The following WHRN variants were observed in gnomAD, a reference collection of about 807,000 sequenced individuals.
WHRN encodes CASK-interacting protein CIP98.
WHRN carries 41 observed loss-of-function variants against 68.3 expected under a neutral mutation model. That is an observed-to-expected ratio of 0.60 (90% CI 0.47 to 0.78). The LOEUF (loss-of-function observed/expected upper bound fraction) is 0.78, where lower values mean the gene tolerates loss of function less well. Ranked by LOEUF, WHRN falls within the 30% of genes least tolerant of loss-of-function variation. The pLI is 0.00. For missense variants in WHRN, 1,243 were observed against 1,244.7 expected, an observed-to-expected ratio of 1.00 and a Z score of 0.02; for synonymous variants, 560 against 561.3, an observed-to-expected ratio of 1.00 and a Z score of 0.03.
At position 114,426,406 on chromosome 9, in the gene WHRN, T is replaced by A. The variant is rs199724392; in HGVS notation, c.971A>T (p.Asp324Val). The change falls in exon 4 of 12, where the codon GAC becomes GTC. Residue 324 changes from aspartate to valine, a missense_variant. By Grantham distance (152) the Asp-to-Val change is radical. Coordinates refer to ENST00000362057, the MANE Select transcript of WHRN (RefSeq NM_015404.4). ...CCGCCCATTCACTTCTAGAATCTGG[T>A]CCCCAACCTGCCAAGATCACCACAC... ...EAEGSGLKVG[D>V]QILEVNGRSF... is the part of the protein sequence containing the mutation. 20 of 1,613,338 alleles carry A rather than the reference T, an allele frequency of 1.2e-5. No individual in the cohort carries two copies. In the East Asian group the frequency reaches 4.2e-4, roughly 34 times the overall value.
chr9:114,415,882 T>G (rs994301553), intron 7 of WHRN, among the ~76,000 whole-genome samples: 12 of 152,006 alleles, frequency 7.9e-5, no homozygotes, highest in Non-Finnish European at 1.6e-4. Flanking sequence ...ATAAGGCCCT[T>G]TGACAGTTTT....
intron 1 of WHRN, among the ~76,000 whole-genome samples, chr9:114,500,269 A>C (rs1843809833): frequency 6.6e-6 from 1 of 152,354 alleles, no homozygotes; most frequent in Middle Eastern, 3.4e-3. Flanking sequence ...TGTGCATGCC[A>C]TGGTGCCACG....
chr9:114,471,675 G>A (rs781210654), intron 2 of WHRN, among the ~76,000 whole-genome samples: 4 of 152,200 alleles, frequency 2.6e-5, no homozygotes, highest in Admixed American at 1.3e-4. Flanking sequence ...AGAGGCAGCC[G>A]GAGCAGCTCC....
At chr9:114,474,935 A>C (rs543103011) in intron 2 of WHRN, among the ~76,000 whole-genome samples, 1 of 152,308 alleles carries the variant, frequency 6.6e-6, no homozygotes, top group Non-Finnish European at 1.5e-5. Flanking sequence ...AAGTGAAGAC[A>C]GATCAGGAAA....
At chr9:114,407,006 C>A in intron 8 of WHRN, 114 bp from the exon 9 acceptor site, 1 of 1,260,690 alleles carries the variant, frequency 7.9e-7, no homozygotes, top group Non-Finnish European at 1.1e-6. Context: ...CCCACTCTAA[C>A]TGCTCTTGGC....
intron 2 of WHRN, 76 bp downstream of exon 2, chr9:114,478,477 A>G (rs1841836786): frequency 3.9e-6 from 6 of 1,536,366 alleles, no homozygotes; most frequent in East Asian, 2.2e-5. Flanking sequence ...GCGGCCTCCA[A>G]GCAGCTCTGC....
intron 3 of WHRN, among the ~76,000 whole-genome samples, chr9:114,450,959 G>A (rs747114982): frequency 1.3e-5 from 2 of 152,120 alleles, no homozygotes; most frequent in African/African-American, 2.4e-5. Context: ...CTGGGCCACG[G>A]GTCCCCCTTT....
At chr9:114,458,555 C>T (rs184416671) in intron 3 of WHRN, among the ~76,000 whole-genome samples, 108 of 152,276 alleles carry the variant, frequency 7.1e-4, no homozygotes, top group South Asian at 1.9e-3. Context: ...CCTTGAGCAG[C>T]GGGGCTTGGA....
intron 7 of WHRN, among the ~76,000 whole-genome samples, chr9:114,421,740 A>C (rs555594134): frequency 6.6e-6 from 1 of 152,160 alleles, no homozygotes; most frequent in Non-Finnish European, 1.5e-5. Context: ...CCTAAATGCC[A>C]TATCAAAGTA....
chr9:114,504,428 G>C lies in WHRN; in HGVS notation c.374C>G (p.Pro125Arg). 2 of 1,606,804 alleles carry C rather than the reference G, an allele frequency of 1.2e-6. No individual in the cohort carries two copies. Among genetic ancestry groups the C allele is most frequent in the East Asian group, 4.5e-5 (2 of 44,866 alleles). ...CGCGCTGTCGGGGCCGCCCCAGGCG[G>C]GCTGCCTGTAGGGGGTGGTGGCGGG... is the stretch of plus-strand genomic sequence containing the variant. The part of the protein sequence containing the change: ...YLPATTPYRQ[P>R]AWGGPDSAGP... Residue 125 changes from proline to arginine, a missense_variant, in exon 1 of 12, where the codon CCC (proline) becomes CGC (arginine). Physicochemically the swap from Pro to Arg is moderately radical, Grantham distance 103. Transcript: ENST00000362057.
rs889609215 is a variant in WHRN at position 114,425,311 on chromosome 9, A to G, written c.1167-287T>C. ...CCCGCAGGACCAGGCAGGTAACACAAGGAGTGGAGGGAAGAAATGGTGATT... is the reference window on the plus strand; with the variant it reads ...CCCGCAGGACCAGGCAGGTAACACAGGGAGTGGAGGGAAGAAATGGTGATT... On this transcript the variant is annotated intron_variant, in intron 4 of 11. Transcript: ENST00000362057. 104 of 615,610 alleles carry G rather than the reference A, an allele frequency of 1.7e-4. 2 individuals are homozygous for G. In the South Asian group the frequency reaches 2.0e-3, roughly 12 times the overall value. The allele number at this position is 615,610 out of a possible 1,614,324, so 38.1% of individuals were successfully genotyped here. A position where few individuals can be genotyped will look rare whatever the true frequency, so the allele number is the denominator to read the frequency against.
At chr9:114,421,751 T>C (rs530392168) in intron 7 of WHRN, among the ~76,000 whole-genome samples, 1 of 152,266 alleles carries the variant, frequency 6.6e-6, no homozygotes, top group Admixed American at 6.5e-5. Flanking sequence ...TATCAAAGTA[T>C]GTGCTCAGAG....
chr9:114,504,591 C>T lies in WHRN; in HGVS notation c.211G>A (p.Val71Ile), dbSNP rs1364337904. ...CGCAGGGTGCGCACCAGGTCGAAGA[C>T]GTTGCGGCGCGCGTGGTAAGCGTTC... ...CLNAYHARRN[V>I]FDLVRTLRVL... The change falls in exon 1 of 12, where the codon GTC becomes ATC. Residue 71 changes from valine (V) to isoleucine (I), a missense_variant. Val to Ile is a conservative substitution (Grantham distance 29). Coordinates refer to ENST00000362057, the MANE Select transcript of WHRN (RefSeq NM_015404.4). 1 of 1,611,424 alleles carries T rather than the reference C, an allele frequency of 6.2e-7. No homozygotes were observed. Among genetic ancestry groups the T allele is most frequent in the Admixed American group, 1.7e-5 (1 of 59,984 alleles).
chr9:114,478,232 G>C, intron 2 of WHRN: 1 of 634,448 alleles, frequency 1.6e-6, no homozygotes, highest in Non-Finnish European at 2.9e-6. Context: ...AGGTTGCAGC[G>C]AGCCAGGATC....
chr9:114,489,520 A>ATG (rs1564223156), intron 1 of WHRN, among the ~76,000 whole-genome samples: 2 of 7,146 alleles, frequency 2.8e-4, no homozygotes, highest in South Asian at 0.12. Flanking sequence ...ACGCGTGCAC[A>ATG]CACACACACA....
intron 8 of WHRN, 56 bp from the exon 9 acceptor site, chr9:114,406,948 G>A (rs1350518233): frequency 1.0e-5 from 16 of 1,544,864 alleles, no homozygotes; most frequent in Admixed American, 2.0e-5. Flanking sequence ...GCCTGGAAGA[G>A]GGGAGGCCGA....
intron 3 of WHRN, among the ~76,000 whole-genome samples, chr9:114,463,116 G>C (rs557671973): frequency 3.3e-5 from 5 of 152,210 alleles, no homozygotes; most frequent in East Asian, 1.9e-4. Context: ...CTCAAGGAGG[G>C]ACCAGAGGAA....
At position 114,504,649 on chromosome 9, in the gene WHRN, G is replaced by A. The variant is rs753390670; in HGVS notation, c.153C>T (p.Ser51=). 2 of 1,606,308 alleles carry A rather than the reference G, an allele frequency of 1.2e-6. No homozygotes were observed. Residue 51 remains serine (S), a synonymous_variant, in exon 1 of 12, where the codon AGC becomes AGT. Coordinates refer to ENST00000362057, the MANE Select transcript of WHRN (RefSeq NM_015404.4). ...GGGTGAACTGCTCCCGCTCCGCCTC[G>A]CTCAGCAGCGCGGTCAGCGCTTGGT... The part of the protein sequence containing the change: ...QLHQALTALL[S]EAEREQFTHC...
At chr9:114,447,158 A>G (rs2132658616) in intron 3 of WHRN, among the ~76,000 whole-genome samples, 1 of 152,266 alleles carries the variant, frequency 6.6e-6, no homozygotes, top group East Asian at 1.9e-4. Flanking sequence ...AGAACCTGCT[A>G]ACCAAGAGAA....
Sources: gnomAD v4.1 joint callset for allele counts (sites outside exome capture counted in the v4.1 genomes callset) on GRCh38, gnomAD v4.1.1 for gene constraint, MANE v1.5 for transcripts, NCBI Gene and HGNC (gene_info 2026-07-23, HGNC 2026-07-21) for gene names.